Variants in IL10RB observed in about 807,000 individuals in gnomAD.
IL10RB encodes interleukin 10 receptor subunit beta.
In IL10RB, 30 loss-of-function variants were observed where a neutral mutation model predicts 38.7. The ratio of observed to expected loss-of-function variants is 0.78; its 90% CI spans 0.58 to 1.05. The LOEUF (loss-of-function observed/expected upper bound fraction) is 1.05, where lower values mean the gene tolerates loss of function less well. Ranked by LOEUF, IL10RB falls within the 50% of genes least tolerant of loss-of-function variation. The pLI is 0.00. For synonymous variants in IL10RB, 142 were observed against 145.9 expected, an observed-to-expected ratio of 0.97 and a Z score of 0.19; for missense variants, 328 against 397.1, an observed-to-expected ratio of 0.83 and a Z score of 1.48.
At position 33,288,217 on chromosome 21, in the gene IL10RB, T is replaced by C; in HGVS notation, c.760T>C (p.Tyr254His). Residue 254 changes from tyrosine to histidine, a missense_variant, in exon 6 of 7, where the codon TAC becomes CAC. Tyr to His is a moderately conservative substitution (Grantham distance 83, BLOSUM62 2). Transcript: ENST00000290200. ...GTGGTGCGTTTACAAGAAGACAAAG[T>C]ACGCCTTCTCCCCTAGGAATTCTCT... ...LLWCVYKKTK[Y>H]AFSPRNSLPQ... 2.5e-6 allele frequency: 4 copies of C among 1,614,140 alleles called. No individual in the cohort carries two copies. The highest frequency in any genetic ancestry group is 2.5e-6 in the Non-Finnish European group (3 of 1,179,998).
intron 2 of IL10RB, among the ~76,000 whole-genome samples, chr21:33,272,778 G>T (rs1324652159): frequency 6.6e-6 from 1 of 152,208 alleles, no homozygotes; most frequent in Admixed American, 6.5e-5. Context: ...GAGAGCCTGG[G>T]CTTCCTTTGA....
intron 2 of IL10RB, among the ~76,000 whole-genome samples, chr21:33,269,493 GAGA>G (rs8178454): frequency 9.2e-5 from 14 of 152,190 alleles, no homozygotes; most frequent in African/African-American, 2.2e-4. Flanking sequence ...TGCTACATCA[GAGA>G]AGAAGTAGAA....
At chr21:33,267,340 T>G (rs1183288009) in intron 1 of IL10RB, among the ~76,000 whole-genome samples, 1 of 152,076 alleles carries the variant, frequency 6.6e-6, no homozygotes, top group African/African-American at 2.4e-5. Flanking sequence ...AACCCTGGCA[T>G]TAAACACGGG....
intron 1 of IL10RB, among the ~76,000 whole-genome samples, chr21:33,306,402 C>T (rs2082998962): frequency 1.3e-5 from 2 of 152,110 alleles, no homozygotes; most frequent in Admixed American, 1.3e-4. Context: ...TTTAACATAT[C>T]CATTTGGCTT....
At chr21:33,308,064 GT>G (rs1261068244) in intron 1 of IL10RB, 1 of 152,212 alleles carries the variant, frequency 6.6e-6, no homozygotes, top group Non-Finnish European at 1.5e-5. Flanking sequence ...GGTCTTCTAT[GT>G]TCCTTTCATT....
chr21:33,271,651 C>T (rs1989082350), intron 2 of IL10RB, among the ~76,000 whole-genome samples: 1 of 151,696 alleles, frequency 6.6e-6, no homozygotes, highest in South Asian at 2.1e-4. Flanking sequence ...TCACTTGAAC[C>T]CAGGAGGCAG....
At chr21:33,302,758 G>A (rs903483638) in intron 1 of IL10RB, among the ~76,000 whole-genome samples, 3 of 152,174 alleles carry the variant, frequency 2.0e-5, no homozygotes, top group Admixed American at 6.5e-5. Flanking sequence ...AAGTCGAGGG[G>A]GGGATATTTC....
chr21:33,291,705 C>T (rs1989490942), intron 6 of IL10RB, among the ~76,000 whole-genome samples: 1 of 152,228 alleles, frequency 6.6e-6, no homozygotes, highest in African/African-American at 2.4e-5. Context: ...TAAAGGTTAG[C>T]TCCAGCCAGG....
At chr21:33,301,240 A>G (rs190515648), downstream of IL10RB, among the ~76,000 whole-genome samples, 5 of 152,264 alleles carry the variant, frequency 3.3e-5, no homozygotes, top group African/African-American at 9.6e-5. Flanking sequence ...AGACTCAGAG[A>G]CTCAACATGA....
downstream of IL10RB, among the ~76,000 whole-genome samples, chr21:33,297,841 A>C (rs1016674196): frequency 1.3e-5 from 2 of 148,364 alleles, no homozygotes; most frequent in African/African-American, 5.3e-5. Flanking sequence ...AAGAAAGGAA[A>C]GAAAAAAAAG....
At chr21:33,273,825 T>C (rs1477135907) in intron 2 of IL10RB, among the ~76,000 whole-genome samples, 2 of 152,242 alleles carry the variant, frequency 1.3e-5, no homozygotes, top group African/African-American at 4.8e-5. Flanking sequence ...TGCTCACTCA[T>C]TAGAAACAAC....
At chr21:33,288,613 G>A (rs1052413682) in intron 6 of IL10RB, among the ~76,000 whole-genome samples, 1 of 152,170 alleles carries the variant, frequency 6.6e-6, no homozygotes, top group Non-Finnish European at 1.5e-5. Flanking sequence ...GCTCAGTGTG[G>A]AAGAAAGAGA....
chr21:33,288,508 C>G (rs1222149753), intron 6 of IL10RB, among the ~76,000 whole-genome samples: 3 of 152,092 alleles, frequency 2.0e-5, no homozygotes, highest in African/African-American at 7.2e-5. Flanking sequence ...CTCTCTGCAC[C>G]TAGGGCATCG....
chr21:33,302,588 G>C (rs922519808), intron 1 of IL10RB, among the ~76,000 whole-genome samples: 1 of 152,226 alleles, frequency 6.6e-6, no homozygotes, highest in African/African-American at 2.4e-5. Context: ...GGGAAGACCT[G>C]TTGCCGCAGA....
In IL10RB at chr21:33,296,224, C is replaced by A. The variant is rs771006570; in HGVS notation, c.845C>A (p.Ser282Tyr). ...HPHHNTLLFF[S>Y]FPLSDENDVF... is the part of the protein sequence containing the mutation. ...CATCATAACACACTTCTGTTTTTCT[C>A]CTTTCCATTGTCGGATGAGAATGAT... The change falls in exon 7 of 7, where the codon TCC becomes TAC. Residue 282 changes from serine to tyrosine, a missense_variant. Transcript: ENST00000290200. 6.2e-7 allele frequency: 1 copy of A among 1,614,138 alleles called. No homozygotes were observed. The highest frequency in any genetic ancestry group is 8.5e-7 in the Non-Finnish European group (1 of 1,179,974).
At chr21:33,286,393 GCA>G (rs764215901) in intron 5 of IL10RB, among the ~76,000 whole-genome samples, 2 of 152,164 alleles carry the variant, frequency 1.3e-5, no homozygotes, top group Non-Finnish European at 2.9e-5. Flanking sequence ...CAGGGGATGG[GCA>G]CAGAGAAATC....
rs572283133 is a variant in IL10RB, at chr21:33,271,594, G to A, written c.173+3077G>A. Among the ~76,000 whole-genome samples the A allele has an allele frequency of 2.0e-4, 31 of 152,126 alleles. 1 individual carries two copies. The highest frequency in any genetic ancestry group is 3.4e-3 in the Middle Eastern group (1 of 292). ...AAATACAAAATTAGCCGGGTATGGT[G>A]GTGCATACCTGTAGTCCCAGCTACT... On this transcript the variant is annotated intron_variant, in intron 2 of 6. Coordinates refer to ENST00000290200, the MANE Select transcript of IL10RB (RefSeq NM_000628.5).
At chr21:33,287,988 T>C (rs1303298545) in intron 5 of IL10RB, 116 bp from the exon 6 acceptor site, 12 of 991,996 alleles carry the variant, frequency 1.2e-5, no homozygotes, top group Non-Finnish European at 1.8e-5. Context: ...TTCTGAGACG[T>C]CCCCCAAGAT....
At chr21:33,281,684 G>C (rs1989282488) in intron 4 of IL10RB, among the ~76,000 whole-genome samples, 1 of 152,160 alleles carries the variant, frequency 6.6e-6, no homozygotes, top group African/African-American at 2.4e-5. Context: ...CTGGGTTCAA[G>C]CAATTCTCCT....
Sources: allele counts gnomAD v4.1 joint callset (sites outside exome capture counted in the v4.1 genomes callset), GRCh38; gene constraint gnomAD v4.1.1; transcripts MANE v1.5; gene names NCBI Gene and HGNC (gene_info 2026-07-23, HGNC 2026-07-21).